The following KIF1B variants were observed in gnomAD, a reference collection of about 807,000 sequenced individuals.
KIF1B encodes kinesin family member 1B.
A neutral mutation model predicts 241.9 loss-of-function variants in KIF1B; 76 were observed. The ratio of observed to expected loss-of-function variants is 0.31; its 90% CI spans 0.26 to 0.38. The LOEUF (loss-of-function observed/expected upper bound fraction) is 0.38, where lower values mean the gene tolerates loss of function less well. Among genes scored for constraint, KIF1B ranks in the 10% least tolerant of loss-of-function variants. The pLI, the probability that KIF1B is intolerant of heterozygous loss-of-function variation, is 1.00. For missense variants in KIF1B, 1,622 were observed against 2,271.4 expected, an observed-to-expected ratio of 0.71 and a Z score of 5.81; for synonymous variants, 750 against 796.7, an observed-to-expected ratio of 0.94 and a Z score of 0.99.
chr1:10,294,895 C>G (rs1184662920), intron 17 of KIF1B, among the ~76,000 whole-genome samples, 191 bp from the exon 18 acceptor site: 7 of 152,122 alleles, frequency 4.6e-5, no homozygotes, highest in Non-Finnish European at 8.8e-5. Context: ...ATAGAATGCA[C>G]TTGGTTCCGT....
intron 5 of KIF1B, among the ~76,000 whole-genome samples, chr1:10,264,677 T>C (rs1648347271): frequency 6.6e-6 from 1 of 152,180 alleles, no homozygotes; most frequent in African/African-American, 2.4e-5. Context: ...GTCTTTTTTT[T>C]TGGAGACAGA....
intron 2 of KIF1B, among the ~76,000 whole-genome samples, chr1:10,249,747 A>G (rs1233653970): frequency 6.6e-6 from 1 of 152,126 alleles, no homozygotes; most frequent in Middle Eastern, 3.2e-3. Context: ...ACAAAAAAAT[A>G]AACAAATTAG....
Position 10,324,782 on chromosome 1 carries a change from G to C in KIF1B, c.2562G>C (p.Glu854Asp). 1 of 1,614,068 alleles carries C rather than the reference G, an allele frequency of 6.2e-7. No homozygotes were observed. The highest frequency in any genetic ancestry group is 8.5e-7 in the Non-Finnish European group (1 of 1,180,014). Residue 854 changes from glutamate (E) to aspartate (D), a missense_variant, in exon 26 of 49, where the codon GAG becomes GAC. Around this residue, in one of 7 missense-constraint regions of KIF1B, gnomAD observed 803 missense variants for 1,112.0 expected, o/e 0.72. Transcript: ENST00000676179. ...GGCAGAGGCTGGATTTGATGCGAGA[G>C]ATGTATGATAGGGCAGGGGAGATGG... ...KLKQRLDLMREMYDRAGEMAS... is the reference protein window; with the variant it reads ...KLKQRLDLMRDMYDRAGEMAS...
At chr1:10,358,188 G>T (rs920849961) in intron 38 of KIF1B, among the ~76,000 whole-genome samples, 1 of 151,194 alleles carries the variant, frequency 6.6e-6, no homozygotes, top group Non-Finnish European at 1.5e-5. Flanking sequence ...GAAGACTTTA[G>T]TGGAGTCAAA....
At chr1:10,215,166 ATATATATTTTTTTTT>A (rs1233193586) in intron 1 of KIF1B, among the ~76,000 whole-genome samples, 4 of 57,620 alleles carry the variant, frequency 6.9e-5, no homozygotes, top group African/African-American at 3.6e-4. Context: ...ATATATATAT[ATATATATTTTTTTTT>A]TTTTTTTTTT....
intron 27 of KIF1B, among the ~76,000 whole-genome samples, chr1:10,333,617 G>C (rs1652044513): frequency 6.6e-6 from 1 of 151,976 alleles, no homozygotes; most frequent in Non-Finnish European, 1.5e-5. Context: ...GCGTGAACCT[G>C]GGAGGCAGAG....
chr1:10,288,129 GA>G (rs577593547), intron 15 of KIF1B, among the ~76,000 whole-genome samples: 2 of 151,402 alleles, frequency 1.3e-5, no homozygotes, highest in Non-Finnish European at 2.9e-5. Flanking sequence ...GGGAGGAAAA[GA>G]AAAAAAAGGA....
chr1:10,324,629 A>G (rs951592843), intron 25 of KIF1B, 129 bp from the exon 26 acceptor site: 6 of 1,084,144 alleles, frequency 5.5e-6, no homozygotes, highest in South Asian at 2.7e-5. Flanking sequence ...TCTTTTTAGT[A>G]ACATTAAACA....
At chr1:10,256,045 G>A (rs1446965484) in intron 2 of KIF1B, among the ~76,000 whole-genome samples, 6 of 151,528 alleles carry the variant, frequency 4.0e-5, no homozygotes, top group Non-Finnish European at 8.8e-5. Flanking sequence ...CTGACCTCTA[G>A]TGATCCACCC....
chr1:10,249,558 T>C (rs1647325694), intron 2 of KIF1B, among the ~76,000 whole-genome samples: 1 of 152,180 alleles, frequency 6.6e-6, no homozygotes, highest in African/African-American at 2.4e-5. Context: ...CAGAGATTTG[T>C]TGACACATTT....
rs1259597206 is a variant in KIF1B at position 10,374,138 on chromosome 1, C to T, written c.4947-178C>T. Among the ~76,000 whole-genome samples, 2 of 152,188 alleles carry T rather than the reference C, an allele frequency of 1.3e-5. No individual in the cohort carries two copies. The highest frequency in any genetic ancestry group is 2.9e-5 in the Non-Finnish European group (2 of 68,038). ...CTTCAGAAGGATGACACCAGTTGAA[C>T]GCAGAGTTAACTTTCTGAAGCCAGC... On this transcript the variant is annotated intron_variant, in intron 45 of 48. Coordinates refer to ENST00000676179, the MANE Select transcript of KIF1B (RefSeq NM_001365951.3). This position sits in a 1 kb window ranked among gnomAD's most constrained non-coding sequence, Gnocchi z 4.3.
intron 16 of KIF1B, among the ~76,000 whole-genome samples, chr1:10,291,584 C>A (rs1649998973): frequency 1.3e-5 from 2 of 151,804 alleles, no homozygotes; most frequent in South Asian, 2.1e-4. Context: ...TGGTGGTGGG[C>A]ACCTGTAGTC....
At chr1:10,268,476 G>T (rs1648592711) in intron 7 of KIF1B, among the ~76,000 whole-genome samples, 1 of 152,090 alleles carries the variant, frequency 6.6e-6, no homozygotes. Flanking sequence ...ATAGAGAATA[G>T]GGTTAAGAAA....
At position 10,365,497 on chromosome 1, in the gene KIF1B, T is replaced by G. The variant is rs1011009249; in HGVS notation, c.4601T>G (p.Leu1534Arg). 1.2e-5 allele frequency: 20 copies of G among 1,614,022 alleles called. No homozygotes were observed. The highest frequency in any genetic ancestry group is 1.5e-5 in the Non-Finnish European group (18 of 1,180,026). ...CTGAGCGACTCGTTATCCCCCAGCC[T>G]CAGCAGTGGGACCCTCAGCACCTCC... ...KSLSDSLSPS[L>R]SSGTLSTSTS... The change falls in exon 43 of 49, where the codon CTC (leucine) becomes CGC (arginine). Residue 1534 changes from leucine (L) to arginine (R), a missense_variant. By Grantham distance (102) the Leu-to-Arg change is moderately radical. Transcript: ENST00000676179. This position sits in a 1 kb window ranked among gnomAD's most constrained non-coding sequence, Gnocchi z 4.0.
chr1:10,371,378 G>A (rs1638728384), intron 45 of KIF1B, 116 bp downstream of exon 45: 2 of 1,243,126 alleles, frequency 1.6e-6, no homozygotes, highest in Non-Finnish European at 2.3e-6. Context: ...GGCAGCATTT[G>A]GAAATGTGTG....
intron 2 of KIF1B, among the ~76,000 whole-genome samples, chr1:10,240,163 A>G (rs1647116075): frequency 2.6e-5 from 4 of 151,946 alleles, no homozygotes; most frequent in South Asian, 2.1e-4. Flanking sequence ...CAGCCTCCCA[A>G]AGTGCTGGGA....
chr1:10,344,419 C>G (rs1330127572), intron 34 of KIF1B, among the ~76,000 whole-genome samples: 1 of 152,208 alleles, frequency 6.6e-6, no homozygotes, highest in African/African-American at 2.4e-5. Context: ...GAGCTCAGCA[C>G]ATTTTCAAGG....
chr1:10,338,047 C>G (rs1652247823), intron 31 of KIF1B, among the ~76,000 whole-genome samples: 1 of 152,128 alleles, frequency 6.6e-6, no homozygotes, highest in Non-Finnish European at 1.5e-5. Context: ...TTCCCGCGGC[C>G]CTCTCAAACC....
intron 45 of KIF1B, 92 bp downstream of exon 45, chr1:10,371,354 G>C (rs931713275): frequency 4.1e-6 from 6 of 1,455,668 alleles, no homozygotes; most frequent in Non-Finnish European, 4.8e-6. Context: ...ACTGAAGGCA[G>C]CACCTTCTCC....
Sources: allele counts gnomAD v4.1 joint callset (sites outside exome capture counted in the v4.1 genomes callset), GRCh38; gene constraint gnomAD v4.1.1; regional missense constraint gnomAD v4.1.1; non-coding constraint Gnocchi (gnomAD v3.1); transcripts MANE v1.5; gene names NCBI Gene and HGNC (gene_info 2026-07-23, HGNC 2026-07-21).